Variants in NOX4 observed in about 807,000 individuals in gnomAD.
The protein encoded by NOX4 is NADPH oxidase 4.
Under a neutral mutation model 87.6 loss-of-function variants are expected in NOX4, and 69 were observed. The ratio of observed to expected loss-of-function variants is 0.79; its 90% CI spans 0.65 to 0.96. The LOEUF is 0.96. NOX4 is among the 40% of genes least tolerant of loss of function. NOX4 has a pLI of 0.00. For synonymous variants in NOX4, 275 were observed against 238.2 expected (o/e 1.15, Z -1.42); for missense variants, 680 against 681.5 (o/e 1.00, Z 0.02).
intron 2 of NOX4, among the ~76,000 whole-genome samples, chr11:89,470,470 T>C (rs1430870128): frequency 6.6e-6 from 1 of 152,174 alleles, no homozygotes; most frequent in African/African-American, 2.4e-5. Context: ...GATCCTTCAA[T>C]GCCCTTATTT....
intron 15 of NOX4, among the ~76,000 whole-genome samples, chr11:89,338,477 C>T (rs780480366): frequency 2.0e-5 from 3 of 152,012 alleles, no homozygotes; most frequent in Non-Finnish European, 4.4e-5. Context: ...GTCCAATTGC[C>T]TGCTTTTAAT....
the NOX4 span, among the ~76,000 whole-genome samples, chr11:89,524,675 T>A: frequency 0.016 from 2,404 of 151,678 alleles, 43 homozygotes; most frequent in African/African-American, 0.045. Flanking sequence ...TTTTCTTTTT[T>A]AAAAAAAAAG....
intron 2 of NOX4, among the ~76,000 whole-genome samples, chr11:89,476,845 A>G (rs1946188848): frequency 6.6e-6 from 1 of 152,232 alleles, no homozygotes; most frequent in African/African-American, 2.4e-5. Context: ...CAAAAATATA[A>G]TAACAGATGA....
upstream of NOX4, among the ~76,000 whole-genome samples, chr11:89,493,727 A>T (rs796317142): frequency 2.9e-3 from 236 of 81,250 alleles, no homozygotes; most frequent in Admixed American, 6.9e-3. Context: ...TTGTTTTATT[A>T]TTATTATTAT....
chr11:89,535,801 G>C, the NOX4 span, among the ~76,000 whole-genome samples: 1 of 152,048 alleles, frequency 6.6e-6, no homozygotes, highest in Non-Finnish European at 1.5e-5. Context: ...ATTAATTATA[G>C]CCACACTGTC....
chr11:89,480,971 T>A (rs1410536004), intron 2 of NOX4, among the ~76,000 whole-genome samples: 1 of 152,020 alleles, frequency 6.6e-6, no homozygotes, highest in Non-Finnish European at 1.5e-5. Flanking sequence ...TGCCACAAAC[T>A]TTTTGCCAAT....
At chr11:89,503,897 T>G in the NOX4 span, among the ~76,000 whole-genome samples, 1 of 147,716 alleles carries the variant, frequency 6.8e-6, no homozygotes, top group Non-Finnish European at 1.5e-5. Flanking sequence ...ATGGCCACCA[T>G]AGACATGATC....
chr11:89,558,273 T>C, the NOX4 span, among the ~76,000 whole-genome samples: 9 of 152,166 alleles, frequency 5.9e-5, no homozygotes, highest in African/African-American at 2.2e-4. Flanking sequence ...TTCTCCAACA[T>C]GTTTGTACTG....
Position 89,490,877 on chromosome 11 carries a change from G to T in NOX4, c.57+313C>A, listed in dbSNP as rs766759007. 1.3e-5 allele frequency: 9 copies of T among 701,168 alleles called. No individual in the cohort carries two copies. The Middle Eastern group carries it at 6.9e-4, about 54-fold the overall frequency. The allele number at this position is 701,168 out of a possible 1,614,324, so 43.4% of individuals were successfully genotyped here. A position where few individuals can be genotyped will look rare whatever the true frequency, so the allele number is the denominator to read the frequency against. ...CCCCAAGCAAACAGAAGTAATCTGGGAAAAGAACAAAGGGAGCAAAAATGT... is the reference window on the plus strand; with the variant it reads ...CCCCAAGCAAACAGAAGTAATCTGGTAAAAGAACAAAGGGAGCAAAAATGT... On this transcript the variant is annotated intron_variant, in intron 1 of 17. Transcript: ENST00000263317.
chr11:89,396,838 A>G (rs964770489), intron 11 of NOX4, among the ~76,000 whole-genome samples: 1 of 152,140 alleles, frequency 6.6e-6, no homozygotes, highest in African/African-American at 2.4e-5. Flanking sequence ...AGAAACCTAC[A>G]AAGAGACTTA....
chr11:89,346,226 T>A (rs531075405), intron 13 of NOX4, among the ~76,000 whole-genome samples: 1 of 152,084 alleles, frequency 6.6e-6, no homozygotes. Context: ...AAAAGGAACA[T>A]GGTTTGAAAA....
chr11:89,406,691 C>G (rs1942206137), intron 8 of NOX4, among the ~76,000 whole-genome samples: 1 of 152,016 alleles, frequency 6.6e-6, no homozygotes, highest in Non-Finnish European at 1.5e-5. Flanking sequence ...GGCTATTGAG[C>G]AATTAAATTT....
At chr11:89,529,849 A>C in the NOX4 span, among the ~76,000 whole-genome samples, 1 of 152,192 alleles carries the variant, frequency 6.6e-6, no homozygotes, top group Non-Finnish European at 1.5e-5. Context: ...ACAATGTACA[A>C]AGATTGGACA....
At chr11:89,528,488 C>T in the NOX4 span, among the ~76,000 whole-genome samples, 3 of 152,194 alleles carry the variant, frequency 2.0e-5, no homozygotes, top group South Asian at 6.2e-4. Context: ...TCTCACAATC[C>T]CCATGTTTCA....
intron 2 of NOX4, among the ~76,000 whole-genome samples, chr11:89,475,877 T>A (rs1946144093): frequency 6.6e-6 from 1 of 152,118 alleles, no homozygotes; most frequent in South Asian, 2.1e-4. Flanking sequence ...AACCTCTGGT[T>A]CGCTGGTGAT....
At chr11:89,414,140 T>C (rs115033643) in intron 8 of NOX4, among the ~76,000 whole-genome samples, 5,240 of 152,128 alleles carry the variant, frequency 0.034, 315 homozygotes, top group African/African-American at 0.12. Flanking sequence ...CTTCTAGGAA[T>C]CAATCCTCTT....
the NOX4 span, among the ~76,000 whole-genome samples, chr11:89,527,626 A>G: frequency 1.3e-5 from 2 of 152,210 alleles, no homozygotes; most frequent in African/African-American, 4.8e-5. Flanking sequence ...GTTGCTTCAG[A>G]GACTGAAAGC....
intron 7 of NOX4, 22 bp downstream of exon 7, chr11:89,432,762 A>G (rs1254132495): frequency 6.4e-7 from 1 of 1,551,450 alleles, no homozygotes; most frequent in African/African-American, 1.4e-5. Context: ...TACACATCAA[A>G]ATAATTGATT....
chr11:89,439,965 A>T (rs1313393797), intron 6 of NOX4, among the ~76,000 whole-genome samples: 7 of 152,078 alleles, frequency 4.6e-5, no homozygotes, highest in Non-Finnish European at 7.4e-5. Context: ...AATTATAAGA[A>T]CTCCATGGAT....
Sources: allele counts gnomAD v4.1 joint callset (sites outside exome capture counted in the v4.1 genomes callset), GRCh38; gene constraint gnomAD v4.1.1; transcripts MANE v1.5; gene names NCBI Gene and HGNC (gene_info 2026-07-23, HGNC 2026-07-21).